The following TTC17 variants were observed in gnomAD, a reference collection of about 807,000 sequenced individuals.
TTC17 encodes tetratricopeptide repeat domain 17, also known as tetratricopeptide repeat protein 17.
A neutral mutation model predicts 143.8 loss-of-function variants in TTC17; 58 were observed. That is an observed-to-expected ratio of 0.40 (90% CI 0.33 to 0.50). The LOEUF (loss-of-function observed/expected upper bound fraction) is 0.50, where lower values mean the gene tolerates loss of function less well. Among genes scored for constraint, TTC17 ranks in the 20% least tolerant of loss-of-function variants. The pLI, the probability that TTC17 is intolerant of heterozygous loss-of-function variation, is 0.49. For synonymous variants in TTC17, 501 were observed against 497.8 expected (o/e 1.01, Z -0.09); for missense variants, 1,273 against 1,392.5 (o/e 0.91, Z 1.37).
chr11:43,429,906 G>A (rs1947115856), intron 16 of TTC17, among the ~76,000 whole-genome samples: 1 of 152,182 alleles, frequency 6.6e-6, no homozygotes, highest in South Asian at 2.1e-4. Context: ...TATAATATAA[G>A]CCTGTTGGAG....
chr11:43,450,379 T>C lies in TTC17; in HGVS notation c.2946+138T>C, dbSNP rs2306567. On this transcript the variant is annotated intron_variant, in intron 20 of 23. Transcript: ENST00000039989. ...TTCAGTTAGGCATCACCTAGGTGGG[T>C]TTGGGCCAAGCCTGATTTCTTTCAG... The C allele has an allele frequency of 2.7e-5, 28 of 1,027,032 alleles. No homozygotes were observed. In the East Asian group the frequency reaches 8.2e-4, roughly 30 times the overall value. 63.6% of individuals were successfully genotyped at this position (1,027,032 alleles called of 1,614,324 possible).
chr11:43,402,404 C>T lies in TTC17; in HGVS notation c.1332+846C>T, dbSNP rs117340619. ...AAGCCCACTGCTAGGTGTGTACTTT[C>T]TCTCACTTTCTGTCGCTGTATATAC... On this transcript the variant is annotated intron_variant, in intron 10 of 23. Transcript: ENST00000039989. Among the ~76,000 whole-genome samples the T allele has an allele frequency of 1.1e-3, 163 of 152,260 alleles. No homozygotes were observed. The East Asian group carries it at 0.021, about 20-fold the overall frequency.
intron 7 of TTC17, 64 bp downstream of exon 7, chr11:43,397,555 T>TC (rs1857651741): frequency 3.7e-6 from 4 of 1,094,974 alleles, no homozygotes; most frequent in South Asian, 1.7e-5. Context: ...TTTTTTTTTC[T>TC]CCCCCCTCAG....
intron 5 of TTC17, chr11:43,396,494 C>T (rs1430557458): frequency 6.1e-6 from 2 of 326,862 alleles, no homozygotes; most frequent in Non-Finnish European, 1.1e-5. Flanking sequence ...GAAGATCACA[C>T]CCTAATGCAC....
rs1947651387 is a variant in TTC17, at chr11:43,451,214, A to G, written c.2979A>G (p.Pro993=). Residue 993 remains proline (P), a synonymous_variant, in exon 21 of 24, where the codon CCA becomes CCG. Transcript: ENST00000039989. ...AAAATCTCGGCAAAGACCAATATCC[A>G]CAACAGTCGCTTGAACAGATTGGCA... ...VLQNLGKDQY[P]QQSLEQIGTR... 6.2e-7 allele frequency: 1 copy of G among 1,613,984 alleles called. No homozygotes were observed. Among genetic ancestry groups the G allele is most frequent in the Non-Finnish European group, 8.5e-7 (1 of 1,179,830 alleles).
At chr11:43,392,866 A>C (rs1857441414) in intron 5 of TTC17, among the ~76,000 whole-genome samples, 2 of 152,220 alleles carry the variant, frequency 1.3e-5, no homozygotes, top group South Asian at 4.1e-4. Context: ...GCTACTTTAG[A>C]TCTAGCAGTT....
intron 21 of TTC17, among the ~76,000 whole-genome samples, chr11:43,456,623 G>C (rs1158520456): frequency 6.6e-6 from 1 of 152,158 alleles, no homozygotes; most frequent in African/African-American, 2.4e-5. Context: ...AATTGCTAGT[G>C]ACAGAAGAAC....
In TTC17 at chr11:43,443,519, G is replaced by T; in HGVS notation, c.2446G>T (p.Asp816Tyr). 1 of 1,614,164 alleles carries T rather than the reference G, an allele frequency of 6.2e-7. No individual in the cohort carries two copies. The highest frequency in any genetic ancestry group is 8.5e-7 in the Non-Finnish European group (1 of 1,180,016). Reference protein sequence around the residue: ...GIRVLKKGPQDGVARSSCYGD... With the variant: ...GIRVLKKGPQYGVARSSCYGD... ...ACGGGTGCTGAAGAAAGGTCCCCAG[G>T]ATGGAGTGGCCAGAAGCTCTTGCTA... Residue 816 changes from aspartate to tyrosine, a missense_variant, in exon 17 of 24, where the codon GAT becomes TAT. By Grantham distance (160) the Asp-to-Tyr change is radical. Coordinates refer to ENST00000039989, the MANE Select transcript of TTC17 (RefSeq NM_018259.6).
rs776429780 is a variant in TTC17 at position 43,443,354 on chromosome 11, G to T, written c.2281G>T (p.Asp761Tyr). The change falls in exon 17 of 24, where the codon GAT becomes TAT. Residue 761 changes from aspartate (D) to tyrosine (Y), a missense_variant. Around this residue, in one of 3 missense-constraint regions of TTC17, gnomAD observed 878 missense variants for 899.8 expected, o/e 0.98. Coordinates refer to ENST00000039989, the MANE Select transcript of TTC17 (RefSeq NM_018259.6). Reference protein sequence around the residue: ...GTVVEESNGSDEMENSDETKM... With the variant: ...GTVVEESNGSYEMENSDETKM... ...GGTGGTTGAGGAGAGCAATGGTTCT[G>T]ATGAGATGGAGAATTCAGATGAAAC... The T allele has an allele frequency of 1.2e-6, 2 of 1,614,136 alleles. No individual in the cohort carries two copies. Among genetic ancestry groups the T allele is most frequent in the South Asian group, 2.2e-5 (2 of 91,086 alleles).
chr11:43,384,692 G>A (rs1015531785), intron 2 of TTC17, among the ~76,000 whole-genome samples: 8 of 152,076 alleles, frequency 5.3e-5, no homozygotes, highest in East Asian at 1.9e-4. Context: ...GAAATGTGAT[G>A]GGCACAAATA....
Position 43,493,865 on chromosome 11 carries a change from G to T in TTC17, c.3387G>T (p.Gln1129His). The T allele has an allele frequency of 6.2e-7, 1 of 1,613,884 alleles. No individual in the cohort carries two copies. The highest frequency in any genetic ancestry group is 1.1e-5 in the South Asian group (1 of 91,062). Reference sequence around the variant, plus strand: ...CCAAGAACCGAATCCAGACCATCCAGTGTCACTTAATGCTGAAGAAGGGAC... The same window carrying T: ...CCAAGAACCGAATCCAGACCATCCATTGTCACTTAATGCTGAAGAAGGGAC... ...VPAKNRIQTIQCHLMLKKGRR... is the reference protein window; with the variant it reads ...VPAKNRIQTIHCHLMLKKGRR... The change falls in exon 24 of 24, where the codon CAG (glutamine) becomes CAT (histidine). Residue 1129 changes from glutamine to histidine, a missense_variant. This residue lies in a region of TTC17 where 878 missense variants were observed against 899.8 expected (regional missense o/e 0.98). Coordinates refer to ENST00000039989, the MANE Select transcript of TTC17 (RefSeq NM_018259.6).
intron 16 of TTC17, among the ~76,000 whole-genome samples, chr11:43,425,016 A>G (rs1343916479): frequency 6.6e-6 from 1 of 152,244 alleles, no homozygotes; most frequent in Non-Finnish European, 1.5e-5. Context: ...ACTTGTGTGT[A>G]GTGAGTTAGG....
intron 21 of TTC17, among the ~76,000 whole-genome samples, chr11:43,464,420 A>G (rs1947931593): frequency 6.6e-6 from 1 of 152,216 alleles, no homozygotes; most frequent in Non-Finnish European, 1.5e-5. Context: ...TGTAACTTGG[A>G]TGTAGGGAAA....
chr11:43,443,591 T>C lies in TTC17; in HGVS notation c.2511+7T>C. 1.9e-6 allele frequency: 3 copies of C among 1,600,904 alleles called. No homozygotes were observed. The highest frequency in any genetic ancestry group is 2.6e-6 in the Non-Finnish European group (3 of 1,172,482). On this transcript the variant is annotated splice_region_variant and intron_variant, in intron 17 of 23. Transcript: ENST00000039989. ...TGATGAAGCAACAGAATGGGTAAGT[T>C]TGCCAACTTAATTCTCACAAAATTG... is the stretch of plus-strand genomic sequence containing the variant.
At chr11:43,447,156 G>C (rs1461941148) in intron 18 of TTC17, among the ~76,000 whole-genome samples, 1 of 152,120 alleles carries the variant, frequency 6.6e-6, no homozygotes, top group Non-Finnish European at 1.5e-5. Flanking sequence ...CGGCACTCTA[G>C]CCTGGGCAAG....
chr11:43,419,853 A>G (rs1397806954), intron 16 of TTC17, among the ~76,000 whole-genome samples: 1 of 152,044 alleles, frequency 6.6e-6, no homozygotes, highest in African/African-American at 2.4e-5. Context: ...ACTGCACCTG[A>G]CTCTTAAACA....
In TTC17 at chr11:43,426,632, C is replaced by T. The variant is rs75192301; in HGVS notation, c.2251+11856C>T. Among the ~76,000 whole-genome samples, 1,015 of 152,284 alleles carry T rather than the reference C, an allele frequency of 6.7e-3. 15 individuals are homozygous for T. The highest frequency in any genetic ancestry group is 0.023 in the African/African-American group (976 of 41,552). On this transcript the variant is annotated intron_variant, in intron 16 of 23. Coordinates refer to ENST00000039989, the MANE Select transcript of TTC17 (RefSeq NM_018259.6). Reference sequence around the variant, plus strand: ...TGAATATCATACTTGCTACCTCTACCAATGCAAAGGACATTTCCTAGTGCT... The same window carrying T: ...TGAATATCATACTTGCTACCTCTACTAATGCAAAGGACATTTCCTAGTGCT...
At chr11:43,407,104 T>G (rs1858176044) in intron 13 of TTC17, 34 bp from the exon 14 acceptor site, 1 of 1,449,772 alleles carries the variant, frequency 6.9e-7, no homozygotes, top group Admixed American at 2.2e-5. Context: ...CCCTGTTATT[T>G]TCAATTGAGT....
intron 21 of TTC17, among the ~76,000 whole-genome samples, chr11:43,468,740 A>G (rs1424826435): frequency 2.0e-5 from 3 of 152,098 alleles, no homozygotes; most frequent in African/African-American, 4.8e-5. Context: ...TTCAAGACCA[A>G]CCAGGGCAAC....
Sources: allele counts gnomAD v4.1 joint callset (sites outside exome capture counted in the v4.1 genomes callset), GRCh38; gene constraint gnomAD v4.1.1; regional missense constraint gnomAD v4.1.1; transcripts MANE v1.5; gene names NCBI Gene and HGNC (gene_info 2026-07-23, HGNC 2026-07-21).